Variants in KIF18A observed in about 807,000 individuals in gnomAD.
KIF18A encodes kinesin family member 18A, also known as kinesin-like protein KIF18A.
Under a neutral mutation model 103.3 loss-of-function variants are expected in KIF18A, and 67 were observed. The ratio of observed to expected loss-of-function variants is 0.65; its 90% CI spans 0.53 to 0.79. The LOEUF is 0.79. Ranked by LOEUF, KIF18A falls within the 30% of genes least tolerant of loss-of-function variation. The probability of loss-of-function intolerance (pLI) is 0.00; values close to 1 mark genes in which losing one functional copy is unlikely to be tolerated. For synonymous variants in KIF18A, 367 were observed against 355.5 expected (o/e 1.03, Z -0.36); for missense variants, 1,032 against 1,062.5 (o/e 0.97, Z 0.40).
At chr11:28,023,089 G>A (rs1387246450) in intron 16 of KIF18A, among the ~76,000 whole-genome samples, 1 of 152,196 alleles carries the variant, frequency 6.6e-6, no homozygotes, top group Non-Finnish European at 1.5e-5. Flanking sequence ...CTTAGGAACT[G>A]TAGTATCAGA....
intron 15 of KIF18A, among the ~76,000 whole-genome samples, chr11:28,026,838 G>A (rs899002083): frequency 6.6e-6 from 1 of 151,706 alleles, no homozygotes; most frequent in Admixed American, 6.6e-5. Flanking sequence ...AAAAGTAGAC[G>A]AAACAGATGA....
At chr11:28,101,459 C>A (rs1851445864) in intron 1 of KIF18A, among the ~76,000 whole-genome samples, 1 of 152,082 alleles carries the variant, frequency 6.6e-6, no homozygotes, top group Admixed American at 6.5e-5. Context: ...TAATTCATGA[C>A]AACTATTACA....
At chr11:28,100,790 TC>T (rs1851435925) in intron 1 of KIF18A, among the ~76,000 whole-genome samples, 1 of 152,054 alleles carries the variant, frequency 6.6e-6, no homozygotes, top group Non-Finnish European at 1.5e-5. Flanking sequence ...GAAGGGATGG[TC>T]ATTTGGATTC....
At chr11:28,030,937 A>G (rs1459809444) in intron 15 of KIF18A, among the ~76,000 whole-genome samples, 2 of 151,704 alleles carry the variant, frequency 1.3e-5, no homozygotes, top group Non-Finnish European at 2.9e-5. Flanking sequence ...AAAAATGCTC[A>G]TGATCACTGG....
chr11:28,082,884 A>C lies in KIF18A; in HGVS notation c.1234T>G (p.Ser412Ala), dbSNP rs1342055478. Residue 412 changes from serine to alanine, a missense_variant, in exon 9 of 17, where the codon TCA becomes GCA. Coordinates refer to ENST00000263181, the MANE Select transcript of KIF18A (RefSeq NM_031217.4). ...NENDQAKLMI[S>A]NPQEKEIERF... is the part of the protein sequence containing the mutation. ...TCGATTTCTTTTTCCTGAGGGTTTG[A>C]AATCATTAACTTTGCTTGGTCATTT... 6.2e-7 allele frequency: 1 copy of C among 1,601,770 alleles called. No individual in the cohort carries two copies. The highest frequency in any genetic ancestry group is 1.3e-5 in the African/African-American group (1 of 74,748).
At chr11:28,036,689 A>C in intron 13 of KIF18A, 25 bp from the exon 14 acceptor site, 2 of 1,425,734 alleles carry the variant, frequency 1.4e-6, no homozygotes, top group Non-Finnish European at 1.9e-6. Context: ...AAAAAAAGAC[A>C]CTCGATAATG....
At chr11:28,032,061 T>C (rs977551586) in intron 15 of KIF18A, among the ~76,000 whole-genome samples, 1 of 150,594 alleles carries the variant, frequency 6.6e-6, no homozygotes, top group Non-Finnish European at 1.5e-5. Flanking sequence ...AAAATCAATA[T>C]ACAAAAATCA....
chr11:28,097,565 G>T, intron 2 of KIF18A, 58 bp downstream of exon 2: 2 of 1,095,622 alleles, frequency 1.8e-6, no homozygotes, highest in Non-Finnish European at 2.8e-6. Flanking sequence ...GTAGATGTCC[G>T]TCCTAATGCA....
intron 9 of KIF18A, among the ~76,000 whole-genome samples, chr11:28,082,417 T>C (rs1851176648): frequency 6.6e-6 from 1 of 152,118 alleles, no homozygotes; most frequent in African/African-American, 2.4e-5. Flanking sequence ...TCAGATGCCA[T>C]AAACATTGAG....
intron 9 of KIF18A, among the ~76,000 whole-genome samples, chr11:28,081,150 T>C (rs1590701724): frequency 1.3e-5 from 2 of 152,246 alleles, no homozygotes; most frequent in East Asian, 1.9e-4. Context: ...CTCTAGAACA[T>C]AAAAGTCTAG....
intron 15 of KIF18A, among the ~76,000 whole-genome samples, chr11:28,030,177 C>G (rs11529234): frequency 0.08 from 10,974 of 136,358 alleles, 718 homozygotes; most frequent in East Asian, 0.34. Flanking sequence ...TTGGAAAAGA[C>G]TACTTTAAAG....
chr11:28,057,036 TA>T (rs1269422315), intron 13 of KIF18A: 29 of 194,450 alleles, frequency 1.5e-4, no homozygotes, highest in South Asian at 7.0e-4. Flanking sequence ...AACATATATA[TA>T]AAAAAAAGCA....
intron 13 of KIF18A, among the ~76,000 whole-genome samples, chr11:28,047,603 T>C (rs1850654135): frequency 6.6e-6 from 1 of 152,178 alleles, no homozygotes; most frequent in Admixed American, 6.5e-5. Flanking sequence ...CTCAAAGTCA[T>C]GATAGCAATT....
chr11:28,096,807 A>G (rs1851381505), intron 2 of KIF18A, among the ~76,000 whole-genome samples: 1 of 152,102 alleles, frequency 6.6e-6, no homozygotes. Context: ...TAAGATATTA[A>G]TAATGGTGTT....
At chr11:28,021,793 T>C (rs1268075316) in intron 16 of KIF18A, among the ~76,000 whole-genome samples, 1 of 152,208 alleles carries the variant, frequency 6.6e-6, no homozygotes, top group African/African-American at 2.4e-5. Context: ...TTTATGCCCA[T>C]TCTTCTGGTT....
At chr11:28,057,728 G>A (rs1305957430) in intron 13 of KIF18A, among the ~76,000 whole-genome samples, 2 of 151,828 alleles carry the variant, frequency 1.3e-5, no homozygotes, top group East Asian at 1.9e-4. Context: ...TGCTATGCAC[G>A]CACAAATGTG....
intron 6 of KIF18A, among the ~76,000 whole-genome samples, chr11:28,085,504 T>C (rs1462507301): frequency 6.6e-6 from 1 of 152,162 alleles, no homozygotes; most frequent in East Asian, 1.9e-4. Flanking sequence ...CTTTGATCTT[T>C]CTTATAAGTG....
intron 15 of KIF18A, among the ~76,000 whole-genome samples, chr11:28,027,533 C>G (rs1393427861): frequency 6.6e-6 from 1 of 151,758 alleles, no homozygotes; most frequent in Non-Finnish European, 1.5e-5. Context: ...TTCTGAGACA[C>G]AAAATACATA....
chr11:28,082,390 A>G (rs550435066), intron 9 of KIF18A, among the ~76,000 whole-genome samples: 3 of 152,260 alleles, frequency 2.0e-5, no homozygotes, highest in Admixed American at 1.3e-4. Context: ...ACTTGCAGCA[A>G]CCATTACTCT....
Sources: gnomAD v4.1 joint callset for allele counts (sites outside exome capture counted in the v4.1 genomes callset) on GRCh38, gnomAD v4.1.1 for gene constraint, MANE v1.5 for transcripts, NCBI Gene and HGNC (gene_info 2026-07-23, HGNC 2026-07-21) for gene names.